The following LGSN variants were observed in gnomAD, a reference collection of about 807,000 sequenced individuals.
LGSN encodes lengsin.
In LGSN, 21 loss-of-function variants were observed where a neutral mutation model predicts 19.5. That is an observed-to-expected ratio of 1.07 (90% CI 0.76 to 1.55). The LOEUF (loss-of-function observed/expected upper bound fraction) is 1.55, where lower values mean the gene tolerates loss of function less well. Ranked by LOEUF, LGSN falls within the 40% of genes most tolerant of loss-of-function variation. The probability of loss-of-function intolerance (pLI) is 0.00; values close to 1 mark genes in which losing one functional copy is unlikely to be tolerated. For missense variants in LGSN, 673 were observed against 608.5 expected (o/e 1.11, Z -1.12); for synonymous variants, 257 against 215.6 (o/e 1.19, Z -1.68).
the LGSN span, among the ~76,000 whole-genome samples, chr6:63,368,007 G>A: frequency 6.6e-6 from 1 of 151,156 alleles, no homozygotes; most frequent in South Asian, 2.1e-4. Flanking sequence ...GAGTTAAGGG[G>A]TACAGCACAC....
chr6:63,368,258 C>T, the LGSN span, among the ~76,000 whole-genome samples: 5 of 152,122 alleles, frequency 3.3e-5, no homozygotes, highest in Non-Finnish European at 5.9e-5. Context: ...TTCCTGGGGA[C>T]CCTTAAAGGC....
At chr6:63,345,416 T>C in the LGSN span, among the ~76,000 whole-genome samples, 1 of 152,184 alleles carries the variant, frequency 6.6e-6, no homozygotes, top group African/African-American at 2.4e-5. Flanking sequence ...TAGAATTTTA[T>C]TTTCCGCCAA....
chr6:63,378,459 A>C, the LGSN span, among the ~76,000 whole-genome samples: 1 of 152,158 alleles, frequency 6.6e-6, no homozygotes, highest in Non-Finnish European at 1.5e-5. Flanking sequence ...CATGATATTA[A>C]TGGCTGTCTT....
chr6:63,461,233 T>C, the LGSN span, among the ~76,000 whole-genome samples: 1 of 152,156 alleles, frequency 6.6e-6, no homozygotes, highest in African/African-American at 2.4e-5. Context: ...GTATTACTAG[T>C]AGAGATGGGG....
the LGSN span, among the ~76,000 whole-genome samples, chr6:63,504,593 C>T: frequency 2.0e-5 from 3 of 152,098 alleles, no homozygotes; most frequent in South Asian, 4.1e-4. Context: ...CAGGCGTGCA[C>T]CACCATGCCC....
chr6:63,507,768 C>T, the LGSN span, among the ~76,000 whole-genome samples: 2 of 152,118 alleles, frequency 1.3e-5, no homozygotes, highest in Non-Finnish European at 2.9e-5. Flanking sequence ...TTTCTTACAG[C>T]CAAAGAACCC....
the LGSN span, among the ~76,000 whole-genome samples, chr6:63,368,413 T>C: frequency 6.6e-6 from 1 of 152,182 alleles, no homozygotes; most frequent in Non-Finnish European, 1.5e-5. Flanking sequence ...TCTTGTCCCC[T>C]CCGTTCCAGA....
intron 3 of LGSN, among the ~76,000 whole-genome samples, chr6:63,281,611 A>G (rs978887115): frequency 5.3e-5 from 8 of 152,068 alleles, no homozygotes. Context: ...ACAGTTGTTA[A>G]TTCTTCAGAT....
At chr6:63,443,869 C>CA in the LGSN span, among the ~76,000 whole-genome samples, 1 of 145,512 alleles carries the variant, frequency 6.9e-6, no homozygotes, top group Non-Finnish European at 1.5e-5. Context: ...AGTTGTTACA[C>CA]AAAGCTGTGT....
the LGSN span, among the ~76,000 whole-genome samples, chr6:63,484,136 A>T: frequency 6.6e-6 from 1 of 152,178 alleles, no homozygotes; most frequent in East Asian, 1.9e-4. Flanking sequence ...CCTAGGCAAC[A>T]GAGCAAGACT....
the LGSN span, among the ~76,000 whole-genome samples, chr6:63,399,394 AT>A: frequency 0.075 from 10,609 of 140,606 alleles, 318 homozygotes; most frequent in African/African-American, 0.098. Flanking sequence ...AACAGTACTA[AT>A]TTTTTTTTTT....
chr6:63,363,841 A>G, the LGSN span, among the ~76,000 whole-genome samples: 1,317 of 152,236 alleles, frequency 8.7e-3, 23 homozygotes, highest in African/African-American at 0.03. Flanking sequence ...TTCAGGAAAT[A>G]CAGAGAATGC....
the LGSN span, among the ~76,000 whole-genome samples, chr6:63,562,158 C>A: frequency 4.0e-5 from 6 of 151,040 alleles, no homozygotes; most frequent in Non-Finnish European, 5.9e-5. Flanking sequence ...TTTAACATTA[C>A]AATTATTTAT....
chr6:63,300,153 C>T (rs1307155663), intron 1 of LGSN, among the ~76,000 whole-genome samples: 1 of 152,154 alleles, frequency 6.6e-6, no homozygotes, highest in Non-Finnish European at 1.5e-5. Context: ...CCTCCTCCAG[C>T]TTTGCCTGCT....
the LGSN span, among the ~76,000 whole-genome samples, chr6:63,420,059 T>C: frequency 2.0e-5 from 3 of 151,208 alleles, no homozygotes; most frequent in Admixed American, 6.6e-5. Flanking sequence ...AAAAATTAGC[T>C]GGGCATGATG....
At chr6:63,516,329 A>T in the LGSN span, among the ~76,000 whole-genome samples, 9 of 152,358 alleles carry the variant, frequency 5.9e-5, no homozygotes, top group East Asian at 1.7e-3. Context: ...GCTTGGGAAA[A>T]TAAAGGATTC....
chr6:63,522,652 A>T, the LGSN span, among the ~76,000 whole-genome samples: 1 of 152,192 alleles, frequency 6.6e-6, no homozygotes, highest in Non-Finnish European at 1.5e-5. Context: ...ATATTTGCTC[A>T]TAAGTTTTTA....
At chr6:63,555,994 A>G in the LGSN span, among the ~76,000 whole-genome samples, 6 of 151,864 alleles carry the variant, frequency 4.0e-5, no homozygotes, top group Non-Finnish European at 5.9e-5. Flanking sequence ...CCTGGCCTCA[A>G]TTAAACTTTA....
chr6:63,555,455 C>A, the LGSN span, among the ~76,000 whole-genome samples: 1 of 152,170 alleles, frequency 6.6e-6, no homozygotes, highest in African/African-American at 2.4e-5. Context: ...CTTCAGTTAT[C>A]CATTTGTATA....
Sources: gnomAD v4.1 joint callset for allele counts (sites outside exome capture counted in the v4.1 genomes callset) on GRCh38, gnomAD v4.1.1 for gene constraint, MANE v1.5 for transcripts, NCBI Gene and HGNC (gene_info 2026-07-23, HGNC 2026-07-21) for gene names.